PRDM5: variants seen among roughly 807,000 people sequenced by gnomAD.
PRDM5 encodes PR domain zinc finger protein 5.
Under a neutral mutation model 81.2 loss-of-function variants are expected in PRDM5, and 56 were observed. The observed-to-expected ratio is 0.69, with a 90% CI of 0.56 to 0.86. The LOEUF is 0.86. PRDM5 is among the 40% of genes least tolerant of loss of function. PRDM5 has a pLI of 0.00. For synonymous variants in PRDM5, 267 were observed against 256.4 expected (o/e 1.04, Z -0.39); for missense variants, 697 against 770.1 (o/e 0.91, Z 1.12).
At chr4:120,795,866 T>C (rs1159551207) in intron 10 of PRDM5, among the ~76,000 whole-genome samples, 3 of 152,162 alleles carry the variant, frequency 2.0e-5, no homozygotes, top group Non-Finnish European at 2.9e-5. Context: ...TGAGCCAAGA[T>C]TGCGCCACTG....
intron 3 of PRDM5, among the ~76,000 whole-genome samples, chr4:120,828,426 A>G: frequency 6.6e-6 from 1 of 152,058 alleles, no homozygotes; most frequent in East Asian, 1.9e-4. Flanking sequence ...AAGATCCCAC[A>G]AATAGTAAAT....
chr4:120,768,459 GA>G (rs1486620127), intron 13 of PRDM5, among the ~76,000 whole-genome samples: 1 of 152,118 alleles, frequency 6.6e-6, no homozygotes, highest in Non-Finnish European at 1.5e-5. Context: ...AAAGATTAAA[GA>G]GGTGAGTCTG....
At chr4:120,866,422 T>C (rs1322426689) in intron 2 of PRDM5, among the ~76,000 whole-genome samples, 3 of 152,186 alleles carry the variant, frequency 2.0e-5, no homozygotes, top group Non-Finnish European at 4.4e-5. Context: ...AAGTGAAACA[T>C]GAAAGAAAAG....
At chr4:120,863,191 T>TATATATACACACAC (rs1553997193) in intron 2 of PRDM5, among the ~76,000 whole-genome samples, 1 of 70,312 alleles carries the variant, frequency 1.4e-5, no homozygotes, top group East Asian at 3.7e-4. Context: ...TATATATATA[T>TATATATACACACAC]ACACACACAC....
At chr4:120,764,189 C>A (rs1447043554) in intron 13 of PRDM5, among the ~76,000 whole-genome samples, 2 of 151,724 alleles carry the variant, frequency 1.3e-5, no homozygotes, top group African/African-American at 4.8e-5. Context: ...TAAACTGTGG[C>A]CTAGGCCATA....
intron 10 of PRDM5, among the ~76,000 whole-genome samples, chr4:120,787,174 G>A (rs532798382): frequency 4.6e-5 from 7 of 152,266 alleles, no homozygotes; most frequent in African/African-American, 1.7e-4. Flanking sequence ...AATTCTAGCT[G>A]AGAAGGTGAC....
chr4:120,750,343 C>T (rs2149139563), intron 14 of PRDM5, among the ~76,000 whole-genome samples: 1 of 152,258 alleles, frequency 6.6e-6, no homozygotes, highest in East Asian at 1.9e-4. Flanking sequence ...AGTCTTGTGC[C>T]TAGTAACAAG....
intron 10 of PRDM5, among the ~76,000 whole-genome samples, chr4:120,788,023 G>A (rs1251432369): frequency 6.6e-6 from 1 of 152,106 alleles, no homozygotes; most frequent in African/African-American, 2.4e-5. Context: ...AGTAAAAACA[G>A]GCAATCCCAC....
chr4:120,866,484 AGT>A (rs1294513318), intron 2 of PRDM5, among the ~76,000 whole-genome samples: 1 of 152,240 alleles, frequency 6.6e-6, no homozygotes, highest in Non-Finnish European at 1.5e-5. Context: ...ATAGTTATTG[AGT>A]GTTTATTATG....
chr4:120,914,516 T>C (rs996052252), intron 1 of PRDM5, among the ~76,000 whole-genome samples: 6 of 152,082 alleles, frequency 3.9e-5, no homozygotes, highest in African/African-American at 1.2e-4. Flanking sequence ...TAAGTCTGGG[T>C]AATTTATAAA....
intron 1 of PRDM5, among the ~76,000 whole-genome samples, chr4:120,921,665 T>C (rs1295266530): frequency 6.6e-6 from 1 of 152,164 alleles, no homozygotes; most frequent in Non-Finnish European, 1.5e-5. Flanking sequence ...CGAGGACGGC[T>C]AGGACGACTC....
intron 2 of PRDM5, among the ~76,000 whole-genome samples, chr4:120,904,206 C>CAAAAAA (rs1157460080): frequency 3.7e-5 from 4 of 108,216 alleles, no homozygotes; most frequent in Admixed American, 1.3e-4. Flanking sequence ...AAAAAAAAAA[C>CAAAAAA]AAAAAAACCT....
intron 2 of PRDM5, among the ~76,000 whole-genome samples, chr4:120,903,694 A>G (rs1765450372): frequency 6.6e-6 from 1 of 152,160 alleles, no homozygotes; most frequent in Admixed American, 6.5e-5. Context: ...CCAGCTGGAG[A>G]TAATTAAATC....
chr4:120,792,779 C>T (rs1750769329), intron 10 of PRDM5, among the ~76,000 whole-genome samples: 1 of 152,084 alleles, frequency 6.6e-6, no homozygotes, highest in Non-Finnish European at 1.5e-5. Flanking sequence ...ACATGGAGGA[C>T]ATTATGATAA....
intron 3 of PRDM5, among the ~76,000 whole-genome samples, chr4:120,833,964 AG>A (rs1194232385): frequency 6.6e-6 from 1 of 152,186 alleles, no homozygotes; most frequent in African/African-American, 2.4e-5. Context: ...TCATTAAAGT[AG>A]GGAAAACAAC....
In PRDM5 at chr4:120,857,909, T is replaced by G. The variant is rs575675226; in HGVS notation, c.178-4369A>C. Among the ~76,000 whole-genome samples the G allele has an allele frequency of 2.6e-5, 4 of 152,330 alleles. No homozygotes were observed. In the East Asian group the frequency reaches 7.7e-4, roughly 29 times the overall value. On this transcript the variant is annotated intron_variant, in intron 2 of 15. Coordinates refer to ENST00000264808, the MANE Select transcript of PRDM5 (RefSeq NM_018699.4). Reference sequence around the variant, plus strand: ...TTTTCCTTCAATCATTTCAAATGCCTAAGGAATTTTTCACTAACTATATAC... The same window carrying G: ...TTTTCCTTCAATCATTTCAAATGCCGAAGGAATTTTTCACTAACTATATAC...
chr4:120,919,938 T>C (rs1157535093), intron 1 of PRDM5, among the ~76,000 whole-genome samples: 2 of 152,184 alleles, frequency 1.3e-5, no homozygotes, highest in Non-Finnish European at 2.9e-5. Flanking sequence ...GTTGTCACTA[T>C]ACAGATTTTT....
chr4:120,883,216 G>T (rs537170327), intron 2 of PRDM5, among the ~76,000 whole-genome samples: 1 of 152,152 alleles, frequency 6.6e-6, no homozygotes, highest in East Asian at 1.9e-4. Flanking sequence ...GAATTATTAA[G>T]TATTATAGTG....
intron 14 of PRDM5, among the ~76,000 whole-genome samples, chr4:120,712,960 A>G (rs964514509): frequency 6.6e-6 from 1 of 152,194 alleles, no homozygotes; most frequent in Non-Finnish European, 1.5e-5. Flanking sequence ...TCTCTAAGGC[A>G]TGTGTACCTA....
Sources: allele counts gnomAD v4.1 joint callset (sites outside exome capture counted in the v4.1 genomes callset), GRCh38; gene constraint gnomAD v4.1.1; transcripts MANE v1.5; gene names NCBI Gene and HGNC (gene_info 2026-07-23, HGNC 2026-07-21).